Variants in MYO1D observed in about 807,000 individuals in gnomAD.
MYO1D encodes the protein myosin ID.
MYO1D carries 83 observed loss-of-function variants against 122.0 expected under a neutral mutation model. The ratio of observed to expected loss-of-function variants is 0.68; its 90% CI spans 0.57 to 0.82. The LOEUF (loss-of-function observed/expected upper bound fraction) is 0.82. Among genes scored for constraint, MYO1D ranks in the 40% least tolerant of loss-of-function variants. The probability of loss-of-function intolerance (pLI) is 0.00; values close to 1 mark genes in which losing one functional copy is unlikely to be tolerated. For synonymous variants in MYO1D, 464 were observed against 446.9 expected, an observed-to-expected ratio of 1.04 and a Z score of -0.48; for missense variants, 1,157 against 1,269.5, an observed-to-expected ratio of 0.91 and a Z score of 1.35.
intron 10 of MYO1D, among the ~76,000 whole-genome samples, chr17:32,756,544 C>G (rs1799081278): frequency 6.7e-6 from 1 of 150,162 alleles, no homozygotes; most frequent in South Asian, 2.1e-4. Flanking sequence ...AACCCTTTAT[C>G]TCTTAGTGTT....
intron 21 of MYO1D, among the ~76,000 whole-genome samples, chr17:32,520,886 G>A (rs1910111770): frequency 6.6e-6 from 1 of 152,220 alleles, no homozygotes; most frequent in African/African-American, 2.4e-5. Context: ...ATTCAAAGGT[G>A]ACTGACAAAG....
At chr17:32,813,089 T>C (rs2090585807) in intron 1 of MYO1D, among the ~76,000 whole-genome samples, 1 of 152,248 alleles carries the variant, frequency 6.6e-6, no homozygotes. Context: ...CACTGATGAT[T>C]TCCCAATATG....
intron 17 of MYO1D, among the ~76,000 whole-genome samples, chr17:32,657,249 C>T (rs1597978559): frequency 6.6e-6 from 1 of 152,202 alleles, no homozygotes; most frequent in Non-Finnish European, 1.5e-5. Context: ...AAGAATGTTA[C>T]AATCACAGTA....
chr17:32,515,858 C>A (rs1016581013), intron 21 of MYO1D, among the ~76,000 whole-genome samples: 3 of 152,172 alleles, frequency 2.0e-5, no homozygotes, highest in Non-Finnish European at 4.4e-5. Context: ...CCACTTTCTA[C>A]CACCTGTTTG....
intron 1 of MYO1D, among the ~76,000 whole-genome samples, chr17:32,866,695 AC>A (rs1344568179): frequency 6.6e-6 from 1 of 152,242 alleles, no homozygotes; most frequent in African/African-American, 2.4e-5. Context: ...GCAGCATAAG[AC>A]AAGAATGAAA....
chr17:32,761,499 T>G (rs942329318), intron 8 of MYO1D, among the ~76,000 whole-genome samples: 1 of 152,226 alleles, frequency 6.6e-6, no homozygotes, highest in Non-Finnish European at 1.5e-5. Flanking sequence ...TGAATTTTAC[T>G]CTTTGTTCAC....
chr17:32,635,745 T>C (rs2088090153), intron 20 of MYO1D, among the ~76,000 whole-genome samples: 2 of 152,110 alleles, frequency 1.3e-5, no homozygotes, highest in South Asian at 4.2e-4. Context: ...GCGCTTACAG[T>C]CTGTCCTTGG....
intron 20 of MYO1D, among the ~76,000 whole-genome samples, chr17:32,614,989 C>T (rs1332470044): frequency 1.3e-5 from 2 of 152,238 alleles, no homozygotes; most frequent in East Asian, 3.8e-4. Flanking sequence ...CTAATGGAGG[C>T]CCTAGACATT....
At chr17:32,806,363 T>G (rs1325677198) in intron 1 of MYO1D, among the ~76,000 whole-genome samples, 6 of 152,244 alleles carry the variant, frequency 3.9e-5, no homozygotes, top group African/African-American at 1.4e-4. Flanking sequence ...TTTAAATGTA[T>G]ATTTAATATG....
intron 21 of MYO1D, among the ~76,000 whole-genome samples, chr17:32,567,897 G>A (rs546484521): frequency 2.6e-5 from 4 of 152,036 alleles, no homozygotes; most frequent in Non-Finnish European, 5.9e-5. Flanking sequence ...TTGTGCCTTG[G>A]AGACTACACC....
intron 21 of MYO1D, among the ~76,000 whole-genome samples, chr17:32,542,048 C>G (rs1293873743): frequency 6.6e-6 from 1 of 152,130 alleles, no homozygotes; most frequent in Non-Finnish European, 1.5e-5. Flanking sequence ...CCCTCTCCAC[C>G]AGGTTTGCAG....
intron 1 of MYO1D, among the ~76,000 whole-genome samples, chr17:32,783,712 T>C (rs1398323903): frequency 6.6e-6 from 1 of 152,164 alleles, no homozygotes; most frequent in African/African-American, 2.4e-5. Context: ...CACTAGGTGG[T>C]GCCAATATAC....
At chr17:32,561,158 C>T (rs572088604) in intron 21 of MYO1D, among the ~76,000 whole-genome samples, 4 of 152,070 alleles carry the variant, frequency 2.6e-5, no homozygotes, top group African/African-American at 7.2e-5. Flanking sequence ...GTGATCCACC[C>T]GCCTCAACCT....
rs1016306756 is a variant in MYO1D at position 32,677,608 on chromosome 17, T to G, written c.2122-18270A>C. Among the ~76,000 whole-genome samples the G allele has an allele frequency of 1.2e-3, 82 of 68,868 alleles. 1 individual carries two copies. The highest frequency in any genetic ancestry group is 3.8e-3 in the African/African-American group (78 of 20,292). The allele number at this position is 68,868 out of a possible 152,430, so 45.2% of individuals were successfully genotyped here. ...ATATATATATATATATATATATATATATATATATATATATGCACACAGACA... is the reference window on the plus strand; with the variant it reads ...ATATATATATATATATATATATATAGATATATATATATATGCACACAGACA... On this transcript the variant is annotated intron_variant, in intron 16 of 21. Transcript: ENST00000318217.
At chr17:32,580,377 G>GTT (rs369151079) in intron 21 of MYO1D, among the ~76,000 whole-genome samples, 13 of 34,762 alleles carry the variant, frequency 3.7e-4, no homozygotes, top group Admixed American at 9.0e-4. Context: ...CACTGAGATT[G>GTT]TTTTTTTTTT....
intron 1 of MYO1D, among the ~76,000 whole-genome samples, chr17:32,809,740 T>C (rs1423602569): frequency 1.3e-5 from 2 of 152,146 alleles, no homozygotes; most frequent in Admixed American, 1.3e-4. Context: ...TGCCCAGCCA[T>C]TGGGCTGTTT....
At chr17:32,543,880 C>T (rs1910931379) in intron 21 of MYO1D, among the ~76,000 whole-genome samples, 1 of 152,122 alleles carries the variant, frequency 6.6e-6, no homozygotes, top group South Asian at 2.1e-4. Flanking sequence ...GCAACCTCCG[C>T]CTCCCAGGCT....
chr17:32,499,870 G>C (rs955506848), intron 21 of MYO1D, among the ~76,000 whole-genome samples: 3 of 152,078 alleles, frequency 2.0e-5, no homozygotes, highest in Non-Finnish European at 4.4e-5. Flanking sequence ...GACTGAGGTG[G>C]AAGAATCGCT....
intron 21 of MYO1D, among the ~76,000 whole-genome samples, chr17:32,501,190 G>A (rs1909307043): frequency 6.6e-6 from 1 of 152,166 alleles, no homozygotes; most frequent in Admixed American, 6.5e-5. Flanking sequence ...CAACAGCCTT[G>A]TGATGTGATG....
Sources: gnomAD v4.1 joint callset for allele counts (sites outside exome capture counted in the v4.1 genomes callset) on GRCh38, gnomAD v4.1.1 for gene constraint, MANE v1.5 for transcripts, NCBI Gene and HGNC (gene_info 2026-07-23, HGNC 2026-07-21) for gene names.